The following DDX55 variants were observed in gnomAD, a reference collection of about 807,000 sequenced individuals.
DDX55 encodes ATP-dependent RNA helicase DDX55.
DDX55 carries 56 observed loss-of-function variants against 69.2 expected under a neutral mutation model. That is an observed-to-expected ratio of 0.81 (90% CI 0.65 to 1.01). The LOEUF (loss-of-function observed/expected upper bound fraction) is 1.01, where lower values mean the gene tolerates loss of function less well. DDX55 is among the 50% of genes least tolerant of loss of function. The probability of loss-of-function intolerance (pLI) is 0.00; values close to 1 mark genes in which losing one functional copy is unlikely to be tolerated. For missense variants in DDX55, 720 were observed against 745.1 expected, an observed-to-expected ratio of 0.97 and a Z score of 0.39; for synonymous variants, 268 against 273.1, an observed-to-expected ratio of 0.98 and a Z score of 0.18.
intron 6 of DDX55, among the ~76,000 whole-genome samples, chr12:123,609,252 T>C (rs77944065): frequency 0.02 from 3,005 of 152,280 alleles, 83 homozygotes; most frequent in African/African-American, 0.065. Flanking sequence ...ATGCCTGGCC[T>C]AAGTATTTTT....
At chr12:123,619,817 T>C (rs1955010381) in intron 13 of DDX55, 93 bp downstream of exon 13, 2 of 1,517,526 alleles carry the variant, frequency 1.3e-6, no homozygotes, top group African/African-American at 2.8e-5. Flanking sequence ...CTGTCAGATT[T>C]CTGTTACGTT....
At chr12:123,609,846 C>A in intron 6 of DDX55, 93 bp from the exon 7 acceptor site, 1 of 1,439,900 alleles carries the variant, frequency 6.9e-7, no homozygotes, top group Non-Finnish European at 9.3e-7. Context: ...GCTTCACTTT[C>A]AGTCTTTTTG....
rs79383698 is a variant in DDX55 at position 123,613,892 on chromosome 12, C to T, written c.824+640C>T. ...GTTTTGTCCTGTGGTCAGAAGGCAG[C>T]GTAGGGACAGATGCATATGTTCTTT... On this transcript the variant is annotated intron_variant, in intron 8 of 13. Transcript: ENST00000238146. 3.7e-3 allele frequency among the ~76,000 whole-genome samples: 567 copies of T among 152,210 alleles called. 6 individuals carry two copies. Among genetic ancestry groups the T allele is most frequent in the African/African-American group, 0.012 (518 of 41,526 alleles).
At chr12:123,609,022 A>G (rs1056267770) in intron 6 of DDX55, among the ~76,000 whole-genome samples, 193 bp downstream of exon 6, 1 of 151,956 alleles carries the variant, frequency 6.6e-6, no homozygotes, top group Admixed American at 6.6e-5. Context: ...TGGTGTGATT[A>G]TGTTCACTGC....
intron 13 of DDX55, 54 bp from the exon 14 acceptor site, chr12:123,619,910 C>T: frequency 6.4e-7 from 1 of 1,567,948 alleles, no homozygotes; most frequent in Non-Finnish European, 8.6e-7. Flanking sequence ...GCTGGTTTCA[C>T]TACAACACTA....
In DDX55 at chr12:123,606,124, C is replaced by G; in HGVS notation, c.211C>G (p.Leu71Val). 6.2e-7 allele frequency: 1 copy of G among 1,614,082 alleles called. No homozygotes were observed. The highest frequency in any genetic ancestry group is 8.5e-7 in the Non-Finnish European group (1 of 1,180,010). Residue 71 changes from leucine to valine, a missense_variant, in exon 3 of 14, where the codon CTT becomes GTT. Coordinates refer to ENST00000238146, the MANE Select transcript of DDX55 (RefSeq NM_020936.3). ...TTTTGTCATCCCCATCCTGGAAATTCTTCTGAGAAGAGAAGAGAAGTTAAA... is the reference window on the plus strand; with the variant it reads ...TTTTGTCATCCCCATCCTGGAAATTGTTCTGAGAAGAGAAGAGAAGTTAAA... ...LAFVIPILEI[L>V]LRREEKLKKS...
intron 10 of DDX55, among the ~76,000 whole-genome samples, chr12:123,617,556 T>C (rs1304025539): frequency 1.3e-5 from 2 of 152,282 alleles, no homozygotes; most frequent in African/African-American, 4.8e-5. Flanking sequence ...CATTAAATGT[T>C]TCTTACAGAA....
At chr12:123,612,454 A>T (rs1428155556) in intron 7 of DDX55, among the ~76,000 whole-genome samples, 2 of 152,188 alleles carry the variant, frequency 1.3e-5, no homozygotes, top group Non-Finnish European at 1.5e-5. Context: ...GTTTGAATGG[A>T]GGACTTGATT....
intron 8 of DDX55, among the ~76,000 whole-genome samples, chr12:123,614,233 C>T (rs2048802): frequency 0.18 from 27,898 of 152,116 alleles, 2,936 homozygotes; most frequent in African/African-American, 0.29. Flanking sequence ...ATTTCAGAAC[C>T]CACCAGGTCT....
chr12:123,607,313 T>G, intron 3 of DDX55, 119 bp from the exon 4 acceptor site: 1 of 1,048,380 alleles, frequency 9.5e-7, no homozygotes, highest in Non-Finnish European at 1.4e-6. Flanking sequence ...GCTGAGAAAG[T>G]CTGGGAACTA....
intron 11 of DDX55, 143 bp downstream of exon 11, chr12:123,618,015 G>GTTTTT: frequency 5.5e-5 from 25 of 457,260 alleles, no homozygotes; most frequent in East Asian, 1.8e-4. Flanking sequence ...CCCTGGTGGG[G>GTTTTT]TTTTTTTTTT....
chr12:123,618,952 A>G (rs1327068971), intron 12 of DDX55, 115 bp downstream of exon 12: 3 of 1,442,260 alleles, frequency 2.1e-6, no homozygotes, highest in Non-Finnish European at 2.8e-6. Flanking sequence ...GAGTAGACAC[A>G]GAATAAACTG....
intron 1 of DDX55, among the ~76,000 whole-genome samples, chr12:123,602,646 G>C (rs1953638463): frequency 6.6e-6 from 1 of 152,198 alleles, no homozygotes; most frequent in African/African-American, 2.4e-5. Flanking sequence ...GCACACTATG[G>C]GAGCTCAGTA....
At chr12:123,615,707 G>A (rs771865194) in intron 9 of DDX55, among the ~76,000 whole-genome samples, 11 of 152,138 alleles carry the variant, frequency 7.2e-5, no homozygotes, top group Non-Finnish European at 1.6e-4. Flanking sequence ...GCTTAAGGCC[G>A]GACACGGTGG....
chr12:123,616,882 G>C, intron 10 of DDX55: 1 of 360,160 alleles, frequency 2.8e-6, no homozygotes, highest in South Asian at 2.5e-5. Context: ...GGCTGGGCGC[G>C]GTGGCTCACG....
intron 7 of DDX55, among the ~76,000 whole-genome samples, chr12:123,610,812 C>G (rs1954179089): frequency 6.6e-6 from 1 of 151,680 alleles, no homozygotes; most frequent in African/African-American, 2.4e-5. Flanking sequence ...GGATGGTCTC[C>G]ATCTCCTGAC....
chr12:123,619,730 G>T lies in DDX55; in HGVS notation c.1626+6G>T. On this transcript the variant is annotated splice_donor_region_variant and intron_variant, in intron 13 of 13. Transcript: ENST00000238146. ...AGAAAAGGAAAAGGGAAGAGGTAAA[G>T]TTTACTTTTACTTACATTAACTTAG... The T allele has an allele frequency of 1.3e-6, 2 of 1,561,740 alleles. No homozygotes were observed. Among genetic ancestry groups the T allele is most frequent in the Non-Finnish European group, 1.7e-6 (2 of 1,165,918 alleles).
chr12:123,610,612 T>C lies in DDX55; in HGVS notation c.741+484T>C, dbSNP rs1218803430. ...ATCAAATATGCTGAGTTTCTTTTTT[T>C]TTTTTTTTTTTTTTTTTGAGACAGA... On this transcript the variant is annotated intron_variant, in intron 7 of 13. Transcript: ENST00000238146. Among the ~76,000 whole-genome samples the C allele has an allele frequency of 2.3e-5, 3 of 131,938 alleles. No individual in the cohort carries two copies. In the South Asian group the frequency reaches 7.1e-4, roughly 31 times the overall value. The allele number at this position is 131,938 out of a possible 152,430, so 86.6% of individuals were successfully genotyped here.
In DDX55 at chr12:123,602,273, G is replaced by C; in HGVS notation, c.108+17G>C. On this transcript the variant is annotated intron_variant, in intron 1 of 13. Coordinates refer to ENST00000238146, the MANE Select transcript of DDX55 (RefSeq NM_020936.3). ...CCGGTGCAGGTATCGGTTCCCTGGC[G>C]TGGGGGAGTGAGGCTGGGAGAGGGG... 6.5e-7 allele frequency: 1 copy of C among 1,539,340 alleles called. No individual in the cohort carries two copies. Among genetic ancestry groups the C allele is most frequent in the Non-Finnish European group, 8.7e-7 (1 of 1,144,524 alleles).
Sources: allele counts gnomAD v4.1 joint callset (sites outside exome capture counted in the v4.1 genomes callset), GRCh38; gene constraint gnomAD v4.1.1; transcripts MANE v1.5; gene names NCBI Gene and HGNC (gene_info 2026-07-23, HGNC 2026-07-21).